The following EMP2 variants were observed in gnomAD, a reference collection of about 807,000 sequenced individuals.
The protein encoded by EMP2 is epithelial membrane protein 2.
Under a neutral mutation model 13.7 loss-of-function variants are expected in EMP2, and 19 were observed. That is an observed-to-expected ratio of 1.38 (90% CI 0.97 to 2.03). The LOEUF is 2.03. EMP2 is among the 30% of genes most tolerant of loss of function. EMP2 has a pLI of 0.00. For missense variants in EMP2, 253 were observed against 220.7 expected, an observed-to-expected ratio of 1.15 and a Z score of -0.93; for synonymous variants, 97 against 84.7, an observed-to-expected ratio of 1.15 and a Z score of -0.80.
rs1220414757 is a variant in EMP2 at position 10,528,849 on chromosome 16, C to A, written c.*4056G>T. ...ACTACGATACAGTTTCTATCTAGGC[C>A]ACTGTGTTTAGTGTGTTTACAAACA... On this transcript the variant is annotated 3_prime_UTR_variant, in exon 5 of 5. Coordinates refer to ENST00000359543, the MANE Select transcript of EMP2 (RefSeq NM_001424.6). 1 of 152,156 alleles carries A rather than the reference C, an allele frequency of 6.6e-6. No individual in the cohort carries two copies. Among genetic ancestry groups the A allele is most frequent in the Non-Finnish European group, 1.5e-5 (1 of 68,028 alleles). 9.4% of individuals were successfully genotyped at this position (152,156 alleles called of 1,614,324 possible).
chr16:10,564,208 T>C (rs2050891698), intron 1 of EMP2, among the ~76,000 whole-genome samples: 1 of 152,210 alleles, frequency 6.6e-6, no homozygotes. Context: ...AAGGTAATTC[T>C]GGCCAGGCAC....
chr16:10,561,698 A>C (rs1442717560), intron 1 of EMP2, among the ~76,000 whole-genome samples: 1 of 152,192 alleles, frequency 6.6e-6, no homozygotes, highest in Non-Finnish European at 1.5e-5. Context: ...TGGATATTAC[A>C]TATCTGCCTG....
intron 1 of EMP2, among the ~76,000 whole-genome samples, chr16:10,574,440 C>G (rs887511245): frequency 6.6e-6 from 1 of 152,058 alleles, no homozygotes; most frequent in Non-Finnish European, 1.5e-5. Flanking sequence ...GTGGCCCCCC[C>G]TCATCCCTCC....
Position 10,543,518 on chromosome 16 carries a change from C to T in EMP2, c.169+52G>A, listed in dbSNP as rs148967653. 637 of 1,593,988 alleles carry T rather than the reference C, an allele frequency of 4.0e-4. 3 individuals are homozygous for T. The African/African-American group carries it at 7.6e-3, about 19-fold the overall frequency. On this transcript the variant is annotated intron_variant, in intron 3 of 4. Transcript: ENST00000359543. Reference sequence around the variant, plus strand: ...GGGAACCCGAAGCCTCACTCCTGACCGTTCCTTCCTCCCTCAGTGCTTCTC... The same window carrying T: ...GGGAACCCGAAGCCTCACTCCTGACTGTTCCTTCCTCCCTCAGTGCTTCTC...
intron 1 of EMP2, among the ~76,000 whole-genome samples, chr16:10,573,440 T>C (rs1169764627): frequency 2.0e-5 from 3 of 152,196 alleles, no homozygotes. Flanking sequence ...GGATGCTCCA[T>C]GTGGACTGGA....
chr16:10,575,605 T>TC (rs2050979223), intron 1 of EMP2, among the ~76,000 whole-genome samples: 1 of 151,896 alleles, frequency 6.6e-6, no homozygotes, highest in Non-Finnish European at 1.5e-5. Flanking sequence ...ACAGGAAAAT[T>TC]CCCCACTGTA....
At position 10,561,330 on chromosome 16, in the gene EMP2, TCAGGAGAAAACGGGCTAGAAC is replaced by T. The variant is rs1359096113; in HGVS notation, c.-60-13674_-60-13654del. Among the ~76,000 whole-genome samples, 8 of 152,276 alleles carry T rather than the reference TCAGGAGAAAACGGGCTAGAAC, an allele frequency of 5.3e-5. No homozygotes were observed. The East Asian group carries it at 1.5e-3, about 29-fold the overall frequency. ...TTGGAAATATAGTCAGGACTGTCACTCAGGAGAAAACGGGCTAGAACCAGGAATCCTGGTGTCATGGGTACA... is the reference window on the plus strand; with the variant it reads ...TTGGAAATATAGTCAGGACTGTCACTCAGGAATCCTGGTGTCATGGGTACA... On this transcript the variant is annotated intron_variant, in intron 1 of 4. Coordinates refer to ENST00000359543, the MANE Select transcript of EMP2 (RefSeq NM_001424.6).
intron 1 of EMP2, among the ~76,000 whole-genome samples, chr16:10,563,917 G>C (rs1272706513): frequency 6.6e-6 from 1 of 152,214 alleles, no homozygotes; most frequent in African/African-American, 2.4e-5. Context: ...CCCAAATTGG[G>C]GCTTCACCCA....
chr16:10,548,685 C>T (rs2050758750), intron 1 of EMP2, among the ~76,000 whole-genome samples: 1 of 151,740 alleles, frequency 6.6e-6, no homozygotes, highest in South Asian at 2.1e-4. Flanking sequence ...CACAGCAAGA[C>T]CACATCTCAA....
At chr16:10,570,307 C>T (rs2050938160) in intron 1 of EMP2, among the ~76,000 whole-genome samples, 1 of 151,302 alleles carries the variant, frequency 6.6e-6, no homozygotes, top group Non-Finnish European at 1.5e-5. Context: ...CTCACTGTAG[C>T]CTTGAATTCC....
At chr16:10,542,201 C>A (rs1397892815) in intron 3 of EMP2, among the ~76,000 whole-genome samples, 1 of 152,048 alleles carries the variant, frequency 6.6e-6, no homozygotes, top group Admixed American at 6.6e-5. Context: ...AGTTCGAGAC[C>A]AGCCTGGGCA....
chr16:10,550,086 AT>A (rs1447384101), intron 1 of EMP2, among the ~76,000 whole-genome samples: 1 of 151,872 alleles, frequency 6.6e-6, no homozygotes, highest in Non-Finnish European at 1.5e-5. Flanking sequence ...GGGTTTCACT[AT>A]GTTGGCCAGG....
chr16:10,534,436 C>G (rs551857352), intron 4 of EMP2, among the ~76,000 whole-genome samples: 1 of 152,328 alleles, frequency 6.6e-6, no homozygotes, highest in East Asian at 1.9e-4. Flanking sequence ...ATTCGATTTT[C>G]TCTCACATAA....
chr16:10,574,182 C>A (rs964467218), intron 1 of EMP2, among the ~76,000 whole-genome samples: 2 of 152,148 alleles, frequency 1.3e-5, no homozygotes, highest in Admixed American at 6.5e-5. Flanking sequence ...AAGTGATCTG[C>A]CTGCCTTGGC....
intron 1 of EMP2, among the ~76,000 whole-genome samples, chr16:10,571,883 C>T (rs1165242155): frequency 6.6e-6 from 1 of 152,184 alleles, no homozygotes; most frequent in African/African-American, 2.4e-5. Flanking sequence ...TGAGAGGCCA[C>T]CACTGTTGGC....
At chr16:10,539,943 C>G (rs2050681383) in intron 3 of EMP2, among the ~76,000 whole-genome samples, 1 of 152,094 alleles carries the variant, frequency 6.6e-6, no homozygotes, top group African/African-American at 2.4e-5. Flanking sequence ...AGGCCTCTCC[C>G]CCTGGAGATT....
intron 1 of EMP2, among the ~76,000 whole-genome samples, chr16:10,554,063 GCT>G: frequency 7.1e-6 from 1 of 140,598 alleles, no homozygotes; most frequent in Non-Finnish European, 1.5e-5. Flanking sequence ...ACGGAGTCTC[GCT>G]CTGTCACCCA....
Position 10,532,823 on chromosome 16 carries a change from C to G in EMP2, c.*82G>C, listed in dbSNP as rs890142675. ...GAAACAATACGTTTGCTAGAAAAAC[C>G]TCAAAAAATAATGATTATATACAAA... On this transcript the variant is annotated 3_prime_UTR_variant, in exon 5 of 5. Coordinates refer to ENST00000359543, the MANE Select transcript of EMP2 (RefSeq NM_001424.6). The G allele has an allele frequency of 1.4e-6, 1 of 730,268 alleles. No homozygotes were observed. The highest frequency in any genetic ancestry group is 1.7e-6 in the Non-Finnish European group (1 of 578,132). 45.2% of individuals were successfully genotyped at this position (730,268 alleles called of 1,614,324 possible).
At chr16:10,576,200 T>A (rs955771274) in intron 1 of EMP2, among the ~76,000 whole-genome samples, 1 of 152,048 alleles carries the variant, frequency 6.6e-6, no homozygotes, top group Non-Finnish European at 1.5e-5. Context: ...GAAGAAGACA[T>A]AATTATTCTT....
Sources: allele counts gnomAD v4.1 joint callset (sites outside exome capture counted in the v4.1 genomes callset), GRCh38; gene constraint gnomAD v4.1.1; transcripts MANE v1.5; gene names NCBI Gene and HGNC (gene_info 2026-07-23, HGNC 2026-07-21).